Variants in HIVEP1 observed in about 807,000 individuals in gnomAD.
HIVEP1 encodes zinc finger protein 40.
Under a neutral mutation model 180.0 loss-of-function variants are expected in HIVEP1, and 36 were observed. The ratio of observed to expected loss-of-function variants is 0.20; its 90% confidence interval spans 0.15 to 0.26. HIVEP1 has a LOEUF of 0.26. Ranked by LOEUF, HIVEP1 falls within the 10% of genes least tolerant of loss-of-function variation. The pLI is 1.00. For synonymous variants in HIVEP1, 1,239 were observed against 1,239.0 expected (o/e 1.00, Z 0.00); for missense variants, 3,143 against 3,268.7 (o/e 0.96, Z 0.94).
intron 2 of HIVEP1, among the ~76,000 whole-genome samples, chr6:12,055,833 T>G (rs1259667477): frequency 6.6e-6 from 1 of 152,226 alleles, no homozygotes; most frequent in Non-Finnish European, 1.5e-5. Context: ...GAGATAAACG[T>G]GCTTGGTCCA....
Position 12,161,875 on chromosome 6 carries a change from G to A in HIVEP1, c.6924G>A (p.Glu2308=), listed in dbSNP as rs754398937. The A allele has an allele frequency of 1.9e-6, 3 of 1,613,706 alleles. No homozygotes were observed. The Admixed American group carries it at 5.0e-5, about 27-fold the overall frequency. The change falls in exon 8 of 9, where the codon GAG becomes GAA. Residue 2308 remains glutamate (E), a synonymous_variant. Transcript: ENST00000379388. The part of the protein sequence containing the change: ...PCHQMSVDYP[E]SEEILRSSMA... ...ATCAGATGTCTGTGGACTACCCTGAGTCAGAAGAAATTCTGAGAAGTTCTA... is the reference window on the plus strand; with the variant it reads ...ATCAGATGTCTGTGGACTACCCTGAATCAGAAGAAATTCTGAGAAGTTCTA...
chr6:12,138,190 G>A (rs572839410), intron 7 of HIVEP1, among the ~76,000 whole-genome samples: 2 of 152,212 alleles, frequency 1.3e-5, no homozygotes, highest in Non-Finnish European at 2.9e-5. Flanking sequence ...CACTTTGTAT[G>A]TAGATACCTA....
At chr6:12,134,266 C>A (rs1758588500) in intron 6 of HIVEP1, among the ~76,000 whole-genome samples, 1 of 151,944 alleles carries the variant, frequency 6.6e-6, no homozygotes, top group Admixed American at 6.6e-5. Flanking sequence ...TCAGAGATAG[C>A]CAAGTGTTAA....
Position 12,120,075 on chromosome 6 carries a change from C to A in HIVEP1, c.280C>A (p.His94Asn), listed in dbSNP as rs375624489. Reference protein sequence around the residue: ...FAVLHSASESHKKQNYIPVKN... With the variant: ...FAVLHSASESNKKQNYIPVKN... The stretch of plus-strand genomic sequence containing the variant: ...CGTTCTTCATAGTGCTTCGGAGTCT[C>A]ACAAGAAACAGAATTATATTCCTGT... Residue 94 changes from histidine (H) to asparagine (N), a missense_variant, in exon 4 of 9, where the codon CAC (histidine) becomes AAC (asparagine). This residue lies in a region of HIVEP1 where 114 missense variants were observed against 134.5 expected (regional missense o/e 0.85). Transcript: ENST00000379388. 1 of 1,612,926 alleles carries A rather than the reference C, an allele frequency of 6.2e-7. No homozygotes were observed. The highest frequency in any genetic ancestry group is 8.5e-7 in the Non-Finnish European group (1 of 1,179,676).
chr6:12,015,555 T>G lies in HIVEP1; in HGVS notation c.-74T>G. On this transcript the variant is annotated 5_prime_UTR_variant, in exon 2 of 9. It introduces an in-frame stop codon into an upstream open reading frame of the 5' UTR. Coordinates refer to ENST00000379388, the MANE Select transcript of HIVEP1 (RefSeq NM_002114.4). ...TGGATTAATTGATGTATGTTGAGTT[T>G]ATGGAGCTGCCTTTTGGTGGCTTGC... 2.4e-6 allele frequency: 3 copies of G among 1,248,694 alleles called. No individual in the cohort carries two copies. The South Asian group carries it at 3.7e-5, about 15-fold the overall frequency. 77.4% of individuals were successfully genotyped at this position (1,248,694 alleles called of 1,614,324 possible). A position where few individuals can be genotyped will look rare whatever the true frequency, so the allele number is the denominator to read the frequency against.
At chr6:12,036,010 A>C (rs1426729959) in intron 2 of HIVEP1, among the ~76,000 whole-genome samples, 1 of 152,212 alleles carries the variant, frequency 6.6e-6, no homozygotes, top group Non-Finnish European at 1.5e-5. Context: ...ATAAGAAAAA[A>C]TGGAAACAAT....
rs200212273 is a variant in HIVEP1 at position 12,124,676 on chromosome 6, G to A, written c.4881G>A (p.Val1627=). The A allele has an allele frequency of 2.3e-5, 37 of 1,614,026 alleles. No homozygotes were observed. Among genetic ancestry groups the A allele is most frequent in the Non-Finnish European group, 2.9e-5 (34 of 1,180,000 alleles). ...AGCTCAGGCCCCTTGGAAGTCAGGTGCAGAAGGTGCCATCATCATTCATGC... is the reference window on the plus strand; with the variant it reads ...AGCTCAGGCCCCTTGGAAGTCAGGTACAGAAGGTGCCATCATCATTCATGC... The part of the protein sequence containing the change: ...PPELRPLGSQ[V]QKVPSSFMLP... The change falls in exon 4 of 9, where the codon GTG becomes GTA. Residue 1627 remains valine, a synonymous_variant. Coordinates refer to ENST00000379388, the MANE Select transcript of HIVEP1 (RefSeq NM_002114.4).
At chr6:12,091,328 G>T (rs945042896) in intron 3 of HIVEP1, among the ~76,000 whole-genome samples, 1 of 152,004 alleles carries the variant, frequency 6.6e-6, no homozygotes, top group African/African-American at 2.4e-5. Context: ...CACCCTGTAA[G>T]TTTAGCCACA....
intron 7 of HIVEP1, among the ~76,000 whole-genome samples, chr6:12,147,323 T>C (rs1759438043): frequency 6.6e-6 from 1 of 152,220 alleles, no homozygotes; most frequent in African/African-American, 2.4e-5. Context: ...TTCTTGAGTA[T>C]TTTAATTTTT....
intron 6 of HIVEP1, 66 bp downstream of exon 6, chr6:12,131,008 C>T (rs1758387814): frequency 8.4e-7 from 1 of 1,192,660 alleles, no homozygotes; most frequent in Non-Finnish European, 1.2e-6. Flanking sequence ...TAAAACCCAA[C>T]TGTGCGTTTT....
At chr6:12,132,930 A>G (rs1196123946) in intron 6 of HIVEP1, among the ~76,000 whole-genome samples, 1 of 152,192 alleles carries the variant, frequency 6.6e-6, no homozygotes, top group Non-Finnish European at 1.5e-5. Context: ...TTTTAAAGGT[A>G]GTTAAATAAT....
chr6:12,114,424 C>T (rs1420658208), intron 3 of HIVEP1, among the ~76,000 whole-genome samples: 1 of 152,158 alleles, frequency 6.6e-6, no homozygotes, highest in South Asian at 2.1e-4. Flanking sequence ...TCTCATCTTT[C>T]TGATTTCCCC....
At chr6:12,107,717 T>C (rs947051766) in intron 3 of HIVEP1, among the ~76,000 whole-genome samples, 1 of 152,058 alleles carries the variant, frequency 6.6e-6, no homozygotes, top group Non-Finnish European at 1.5e-5. Flanking sequence ...AGCAGCAGGA[T>C]TTGTTGCAAA....
chr6:12,164,304 C>G lies in HIVEP1; in HGVS notation c.8000C>G (p.Ala2667Gly), dbSNP rs376312914. ...TCCACGTCACAACCTCTGCTGAAGG[C>G]ACATTCTGAAGTTTTTACAAAGCCC... ...PASTSQPLLK[A>G]HSEVFTKPSG... The change falls in exon 9 of 9, where the codon GCA (alanine) becomes GGA (glycine). Residue 2667 changes from alanine to glycine, a missense_variant. This residue lies in a region of HIVEP1 where 595 missense variants were observed against 602.2 expected (regional missense o/e 0.99). Transcript: ENST00000379388. 71 of 1,614,038 alleles carry G rather than the reference C, an allele frequency of 4.4e-5. No individual in the cohort carries two copies. In the South Asian group the frequency reaches 6.0e-4, roughly 14 times the overall value.
rs548393511 is a variant in HIVEP1, at chr6:12,121,651, A to T, written c.1856A>T (p.Asn619Ile). 6.2e-7 allele frequency: 1 copy of T among 1,614,180 alleles called. No homozygotes were observed. The highest frequency in any genetic ancestry group is 8.5e-7 in the Non-Finnish European group (1 of 1,180,012). Reference sequence around the variant, plus strand: ...GGTGGAGTCTCCAGGTTGGAGACTAATGAGAATTCCCACCAGAAAGGCGAC... The same window carrying T: ...GGTGGAGTCTCCAGGTTGGAGACTATTGAGAATTCCCACCAGAAAGGCGAC... ...SQGGVSRLET[N>I]ENSHQKGDMN... Residue 619 changes from asparagine (N) to isoleucine (I), a missense_variant, in exon 4 of 9, where the codon AAT becomes ATT. By Grantham distance (149) the Asn-to-Ile change is moderately radical. Transcript: ENST00000379388. The surrounding 1 kb of genome is among the most constrained non-coding windows in gnomAD (Gnocchi z 5.3).
the HIVEP1 span, among the ~76,000 whole-genome samples, chr6:12,192,966 C>T: frequency 1.3e-5 from 2 of 151,932 alleles, no homozygotes; most frequent in African/African-American, 2.4e-5. Flanking sequence ...GCATCTGCCA[C>T]TTAGAAGCTG....
chr6:12,123,028 G>A lies in HIVEP1; in HGVS notation c.3233G>A (p.Arg1078Lys), dbSNP rs956094222. 1 of 1,614,162 alleles carries A rather than the reference G, an allele frequency of 6.2e-7. No individual in the cohort carries two copies. The highest frequency in any genetic ancestry group is 1.3e-5 in the African/African-American group (1 of 75,022). ...TTGCCTAAACATAATGTTACCATAA[G>A]AAGTGACCAGCAGCATAAAAATATA... is the stretch of plus-strand genomic sequence containing the variant. ...PSLPKHNVTIRSDQQHKNIQL... is the reference protein window; with the variant it reads ...PSLPKHNVTIKSDQQHKNIQL... Residue 1078 changes from arginine (R) to lysine (K), a missense_variant, in exon 4 of 9, where the codon AGA becomes AAA. By Grantham distance (26) the Arg-to-Lys change is conservative. Transcript: ENST00000379388.
chr6:12,056,825 G>A (rs1770906983), intron 2 of HIVEP1, among the ~76,000 whole-genome samples: 1 of 151,070 alleles, frequency 6.6e-6, no homozygotes, highest in Non-Finnish European at 1.5e-5. Flanking sequence ...GCAAATAATG[G>A]TATGGTTTTT....
intron 2 of HIVEP1, among the ~76,000 whole-genome samples, chr6:12,059,678 G>C (rs1372616227): frequency 3.9e-5 from 6 of 152,040 alleles, no homozygotes; most frequent in African/African-American, 1.5e-4. Flanking sequence ...TTTTTCTGCT[G>C]TGGACTGAAA....
Sources: allele counts gnomAD v4.1 joint callset (sites outside exome capture counted in the v4.1 genomes callset), GRCh38; gene constraint gnomAD v4.1.1; regional missense constraint gnomAD v4.1.1; non-coding constraint Gnocchi (gnomAD v3.1); transcripts MANE v1.5; gene names NCBI Gene and HGNC (gene_info 2026-07-23, HGNC 2026-07-21).